SLC12A6: variants seen among roughly 807,000 people sequenced by gnomAD.
SLC12A6 encodes the protein K-Cl cotransporter 3.
A neutral mutation model predicts 135.3 loss-of-function variants in SLC12A6; 66 were observed. The ratio of observed to expected loss-of-function variants is 0.49; its 90% CI spans 0.40 to 0.60. The LOEUF is 0.60. SLC12A6 is among the 20% of genes least tolerant of loss of function. The pLI, the probability that SLC12A6 is intolerant of heterozygous loss-of-function variation, is 0.00. For missense variants in SLC12A6, 1,058 were observed against 1,452.3 expected (o/e 0.73, Z 4.41); for synonymous variants, 513 against 508.8 (o/e 1.01, Z -0.11).
rs1467381503 is a variant in SLC12A6, at chr15:34,336,674, G to A, written c.7C>T (p.Pro3Ser). Residue 3 changes from proline (P) to serine (S), a missense_variant, in exon 2 of 26, where the codon CCT becomes TCT. By Grantham distance (74) the Pro-to-Ser change is moderately conservative. Transcript: ENST00000354181. MH[P>S]PETTTKMASV... ...GCCATCTTGGTGGTGGTTTCTGGAGGATGCATTTTGTTCTTTTTAAGAACA... is the reference window on the plus strand; with the variant it reads ...GCCATCTTGGTGGTGGTTTCTGGAGAATGCATTTTGTTCTTTTTAAGAACA... 1.2e-6 allele frequency: 2 copies of A among 1,613,836 alleles called. No individual in the cohort carries two copies. Among genetic ancestry groups the A allele is most frequent in the African/African-American group, 1.3e-5 (1 of 74,900 alleles).
At position 34,257,726 on chromosome 15, in the gene SLC12A6, C is replaced by A; in HGVS notation, c.606G>T (p.Val202=). ...CCCATGTAAGGCGTAAAAAAAGGATCACTCCAAAAATATTTTGTAGACATG... is the reference window on the plus strand; with the variant it reads ...CCCATGTAAGGCGTAAAAAAAGGATAACTCCAAAAATATTTTGTAGACATG... ...YLPCLQNIFG[V]ILFLRLTWVV... is the part of the protein sequence containing the mutation. Residue 202 remains valine, a synonymous_variant, in exon 6 of 26, where the codon GTG becomes GTT. Transcript: ENST00000354181. 6.2e-7 allele frequency: 1 copy of A among 1,611,082 alleles called. No individual in the cohort carries two copies. The highest frequency in any genetic ancestry group is 8.5e-7 in the Non-Finnish European group (1 of 1,177,266).
intron 25 of SLC12A6, 60 bp from the exon 26 acceptor site, chr15:34,234,032 T>A (rs1377587821): frequency 1.2e-6 from 1 of 857,826 alleles, no homozygotes; most frequent in African/African-American, 1.7e-5. Context: ...CCTGGCATCA[T>A]CATAATCTGA....
In SLC12A6 at chr15:34,232,279, G is replaced by A. The variant is rs1324263392; in HGVS notation, c.*1602C>T. On this transcript the variant is annotated 3_prime_UTR_variant, in exon 26 of 26. Coordinates refer to ENST00000354181, the MANE Select transcript of SLC12A6 (RefSeq NM_001365088.1). ...ATATCACTCTGTTACCCAGGCTGGA[G>A]TGCAGAGGTGCAATCCTGGCTCACT... is the stretch of plus-strand genomic sequence containing the variant. 1 of 152,242 alleles carries A rather than the reference G, an allele frequency of 6.6e-6. No homozygotes were observed. Among genetic ancestry groups the A allele is most frequent in the Admixed American group, 6.5e-5 (1 of 15,268 alleles). 9.4% of individuals were successfully genotyped at this position (152,242 alleles called of 1,614,324 possible). A position where few individuals can be genotyped will look rare whatever the true frequency, so the allele number is the denominator to read the frequency against.
At chr15:34,239,932 C>G (rs1891528791) in intron 19 of SLC12A6, among the ~76,000 whole-genome samples, 1 of 151,990 alleles carries the variant, frequency 6.6e-6, no homozygotes, top group South Asian at 2.1e-4. Context: ...TCAAAGGATT[C>G]CAAAATGAAA....
At chr15:34,239,969 C>CT (rs1891531473) in intron 19 of SLC12A6, among the ~76,000 whole-genome samples, 1 of 151,478 alleles carries the variant, frequency 6.6e-6, no homozygotes, top group Non-Finnish European at 1.5e-5. Context: ...TTTTTAAATA[C>CT]TTTAAGTTTT....
chr15:34,257,465 T>G, intron 6 of SLC12A6, 177 bp downstream of exon 6: 1 of 623,640 alleles, frequency 1.6e-6, no homozygotes, highest in Non-Finnish European at 2.9e-6. Flanking sequence ...AAGCAGTGAC[T>G]AACAGGCACT....
upstream of SLC12A6, chr15:34,338,049 T>C (rs970205933): frequency 1.3e-5 from 2 of 151,958 alleles, no homozygotes; most frequent in Admixed American, 6.5e-5. Context: ...CAGCCCGCGG[T>C]GACCGAGTGC....
Position 34,233,897 on chromosome 15 carries a change from ATCACT to A in SLC12A6, c.3432_3436del (p.Glu1144AspfsTer11). ...CAGAGTAGGTTATGAATAAATGGTG[ATCACT>A]TCACTGCCACCACCCCGGACAAGTA... On this transcript the variant is annotated frameshift_variant, in exon 26 of 26. Coordinates refer to ENST00000354181, the MANE Select transcript of SLC12A6 (RefSeq NM_001365088.1). LOFTEE classifies it high-confidence loss of function. 6.3e-7 allele frequency: 1 copy of A among 1,586,802 alleles called. No homozygotes were observed. Among genetic ancestry groups the A allele is most frequent in the Non-Finnish European group, 8.7e-7 (1 of 1,155,052 alleles).
At chr15:34,250,459 A>G in intron 12 of SLC12A6, 104 bp from the exon 13 acceptor site, 1 of 872,960 alleles carries the variant, frequency 1.1e-6, no homozygotes, top group Non-Finnish European at 2.0e-6. Context: ...GAGCTGCTAA[A>G]TACTCCTATA....
chr15:34,332,462 T>A (rs914211800), intron 2 of SLC12A6, among the ~76,000 whole-genome samples: 8 of 152,142 alleles, frequency 5.3e-5, no homozygotes, highest in African/African-American at 1.4e-4. Flanking sequence ...TCAGGGAGTA[T>A]CTGTTGACTT....
At chr15:34,271,378 T>A (rs1893928439) in intron 3 of SLC12A6, among the ~76,000 whole-genome samples, 1 of 152,026 alleles carries the variant, frequency 6.6e-6, no homozygotes, top group South Asian at 2.1e-4. Flanking sequence ...CCTATACTTT[T>A]TTTTTTTTTT....
rs545674458 is a variant in SLC12A6, at chr15:34,249,589, A to AAGAAG, written c.1649+704_1649+708dup. On this transcript the variant is annotated intron_variant, in intron 13 of 25. Coordinates refer to ENST00000354181, the MANE Select transcript of SLC12A6 (RefSeq NM_001365088.1). ...CTCTAAATAAATAAGTAGAAAAGAAAAGAAGAGAAGAGAAAAGAACAGAAT... is the reference window on the plus strand; with the variant it reads ...CTCTAAATAAATAAGTAGAAAAGAAAAGAAGAGAAGAGAAGAGAAAAGAACAGAAT... 4.3e-4 allele frequency among the ~76,000 whole-genome samples: 65 copies of AAGAAG among 152,252 alleles called. 2 individuals carry two copies. The South Asian group carries it at 0.013, about 30-fold the overall frequency.
At chr15:34,252,422 A>G (rs773489861) in intron 9 of SLC12A6, 38 bp from the exon 10 acceptor site, 1 of 1,232,366 alleles carries the variant, frequency 8.1e-7, no homozygotes, top group South Asian at 1.2e-5. Context: ...TCAAGTAAGG[A>G]AAAAAAGTAC....
chr15:34,266,202 C>A (rs578097160), intron 3 of SLC12A6, among the ~76,000 whole-genome samples: 14 of 151,676 alleles, frequency 9.2e-5, no homozygotes, highest in Non-Finnish European at 1.9e-4. Context: ...TAAGGACATA[C>A]AAAAGCTGAA....
rs1049142371 is a variant in SLC12A6 at position 34,242,284 on chromosome 15, G to A, written c.2043-63C>T. 16 of 1,243,744 alleles carry A rather than the reference G, an allele frequency of 1.3e-5. No homozygotes were observed. The African/African-American group carries it at 2.1e-4, about 16-fold the overall frequency. The allele number at this position is 1,243,744 out of a possible 1,614,324, so 77.0% of individuals were successfully genotyped here. On this transcript the variant is annotated intron_variant, in intron 16 of 25. Transcript: ENST00000354181. ...GCTGAAAAAGAAGCCTATGTTAAAGGTGCTTCTCAAACTATCTGTGGTGAG... is the reference window on the plus strand; with the variant it reads ...GCTGAAAAAGAAGCCTATGTTAAAGATGCTTCTCAAACTATCTGTGGTGAG...
At chr15:34,266,314 T>C (rs1893516760) in intron 3 of SLC12A6, among the ~76,000 whole-genome samples, 1 of 152,198 alleles carries the variant, frequency 6.6e-6, no homozygotes, top group African/African-American at 2.4e-5. Context: ...AGAAACATTT[T>C]ATTAGGTATT....
At chr15:34,327,732 A>C (rs1889568436) in intron 2 of SLC12A6, among the ~76,000 whole-genome samples, 1 of 152,146 alleles carries the variant, frequency 6.6e-6, no homozygotes, top group Admixed American at 6.5e-5. Context: ...GGTTAGATTC[A>C]ATTTCTCATA....
intron 2 of SLC12A6, among the ~76,000 whole-genome samples, chr15:34,285,711 TGTTTGTC>T (rs1401587981): frequency 1.2e-4 from 3 of 24,964 alleles, no homozygotes; most frequent in African/African-American, 6.9e-4. Flanking sequence ...TGTGTGTGTG[TGTTTGTC>T]ATACATAAAA....
chr15:34,285,604 C>A (rs1171966331), intron 2 of SLC12A6, among the ~76,000 whole-genome samples: 1 of 146,304 alleles, frequency 6.8e-6, no homozygotes. Flanking sequence ...CTCCATGTAC[C>A]CACCAAATGG....
Sources: allele counts gnomAD v4.1 joint callset (sites outside exome capture counted in the v4.1 genomes callset), GRCh38; gene constraint gnomAD v4.1.1; transcripts MANE v1.5; gene names NCBI Gene and HGNC (gene_info 2026-07-23, HGNC 2026-07-21).